Variants in LRRC72 observed in about 807,000 individuals in gnomAD.
The protein encoded by LRRC72 is leucine rich repeat containing 72, also known as leucine-rich repeat-containing protein 72.
LRRC72 carries 41 observed loss-of-function variants against 35.8 expected under a neutral mutation model. The ratio of observed to expected loss-of-function variants is 1.15; its 90% CI spans 0.89 to 1.49. The LOEUF is 1.49. LRRC72 is among the 40% of genes most tolerant of loss of function. LRRC72 has a pLI of 0.00. For synonymous variants in LRRC72, 118 were observed against 119.2 expected, an observed-to-expected ratio of 0.99 and a Z score of 0.07; for missense variants, 389 against 330.7, an observed-to-expected ratio of 1.18 and a Z score of -1.37.
At chr7:16,534,790 G>A (rs1211440890) in intron 2 of LRRC72, among the ~76,000 whole-genome samples, 4 of 150,996 alleles carry the variant, frequency 2.6e-5, no homozygotes, top group African/African-American at 7.3e-5. Context: ...TCTCACTATC[G>A]CCCCATGTAA....
chr7:16,545,027 A>C (rs1322678995), intron 3 of LRRC72, among the ~76,000 whole-genome samples: 1 of 152,224 alleles, frequency 6.6e-6, no homozygotes. Flanking sequence ...ATTTGGAATA[A>C]ATGCTTTAAC....
chr7:16,560,692 T>A (rs1055301209), intron 5 of LRRC72, among the ~76,000 whole-genome samples: 4 of 152,120 alleles, frequency 2.6e-5, no homozygotes, highest in African/African-American at 7.2e-5. Flanking sequence ...TCTGTTTTTT[T>A]TTTTTAAGAA....
intron 3 of LRRC72, among the ~76,000 whole-genome samples, chr7:16,539,289 G>A (rs1267244353): frequency 6.6e-6 from 1 of 152,188 alleles, no homozygotes; most frequent in East Asian, 1.9e-4. Flanking sequence ...GTGGCATTGT[G>A]CCCCTGCCCT....
intron 5 of LRRC72, among the ~76,000 whole-genome samples, chr7:16,559,726 G>A (rs953022826): frequency 6.6e-6 from 1 of 151,994 alleles, no homozygotes; most frequent in Admixed American, 6.6e-5. Context: ...CAGCTAGAGA[G>A]TAAAGGGTGT....
intron 5 of LRRC72, among the ~76,000 whole-genome samples, chr7:16,560,581 A>C (rs965915531): frequency 6.6e-6 from 1 of 152,092 alleles, no homozygotes; most frequent in Admixed American, 6.6e-5. Flanking sequence ...TGCTGCTATA[A>C]TTAAAAGACT....
chr7:16,559,753 T>C, intron 5 of LRRC72, among the ~76,000 whole-genome samples: 1 of 151,700 alleles, frequency 6.6e-6, no homozygotes, highest in Non-Finnish European at 1.5e-5. Context: ...ATTTTGGGGG[T>C]GATAAAACAT....
At chr7:16,579,612 C>A (rs540082040) in intron 7 of LRRC72, among the ~76,000 whole-genome samples, 3 of 152,002 alleles carry the variant, frequency 2.0e-5, no homozygotes, top group African/African-American at 7.3e-5. Context: ...TTGTTTATTC[C>A]GTTTCTTTAA....
chr7:16,567,568 A>AC, intron 7 of LRRC72, 25 bp downstream of exon 7: 2 of 1,412,358 alleles, frequency 1.4e-6, no homozygotes, highest in Non-Finnish European at 1.9e-6. Context: ...AAAAAAAAAA[A>AC]ACAAATTTAA....
At chr7:16,527,726 G>A (rs959009697) in intron 1 of LRRC72, among the ~76,000 whole-genome samples, 10 of 152,132 alleles carry the variant, frequency 6.6e-5, no homozygotes, top group African/African-American at 1.9e-4. Context: ...AAACGAGGCC[G>A]AGAGTTCTGT....
intron 3 of LRRC72, among the ~76,000 whole-genome samples, chr7:16,547,009 G>A (rs1349064492): frequency 6.6e-6 from 1 of 152,106 alleles, no homozygotes; most frequent in Non-Finnish European, 1.5e-5. Context: ...TGGTGGCAGT[G>A]GGACCCCTGT....
At chr7:16,556,211 C>T (rs997115756) in intron 3 of LRRC72, among the ~76,000 whole-genome samples, 2 of 152,096 alleles carry the variant, frequency 1.3e-5, no homozygotes, top group African/African-American at 4.8e-5. Flanking sequence ...TTATTATTTC[C>T]ATTCATATGG....
Position 16,566,348 on chromosome 7 carries a change from T to C in LRRC72, c.463T>C (p.Tyr155His). ...AAATCCTTTGTGCCAATATAACCTG[T>C]ATCGTTTATATATCATCTACCACCT... ...YQNPLCQYNLYRLYIIYHLPG... is the reference protein window; with the variant it reads ...YQNPLCQYNLHRLYIIYHLPG... Residue 155 changes from tyrosine (Y) to histidine (H), a missense_variant, in exon 6 of 9, where the codon TAT becomes CAT. Transcript: ENST00000401542. 1 of 1,547,032 alleles carries C rather than the reference T, an allele frequency of 6.5e-7. No homozygotes were observed. Among genetic ancestry groups the C allele is most frequent in the South Asian group, 1.2e-5 (1 of 82,906 alleles).
chr7:16,557,789 T>A (rs1201962269), intron 4 of LRRC72, among the ~76,000 whole-genome samples: 1 of 152,194 alleles, frequency 6.6e-6, no homozygotes, highest in Admixed American at 6.5e-5. Flanking sequence ...TGGCTATATG[T>A]TCTACCAGCC....
intron 5 of LRRC72, among the ~76,000 whole-genome samples, chr7:16,561,789 T>C (rs1455011733): frequency 6.6e-6 from 1 of 152,236 alleles, no homozygotes; most frequent in Non-Finnish European, 1.5e-5. Context: ...TTGTATTTAT[T>C]AGACAACTAA....
chr7:16,532,912 G>A (rs1046613750), intron 2 of LRRC72: 34 of 316,980 alleles, frequency 1.1e-4, no homozygotes, highest in South Asian at 3.8e-4. Flanking sequence ...TAGAAACAAC[G>A]AATATAATTT....
chr7:16,570,536 T>G (rs1042351889), intron 7 of LRRC72, among the ~76,000 whole-genome samples: 1 of 152,178 alleles, frequency 6.6e-6, no homozygotes, highest in Admixed American at 6.5e-5. Context: ...AAAATATAAC[T>G]CGCCAGGCGT....
intron 1 of LRRC72, chr7:16,530,275 A>G (rs1782139511): frequency 1.3e-5 from 2 of 152,328 alleles, no homozygotes; most frequent in South Asian, 4.1e-4. Flanking sequence ...GTCCAAGCCC[A>G]GAGACCTGAG....
chr7:16,579,123 A>G (rs569509764), intron 7 of LRRC72, among the ~76,000 whole-genome samples: 1 of 152,354 alleles, frequency 6.6e-6, no homozygotes, highest in South Asian at 2.1e-4. Context: ...CACCACGTAT[A>G]CACAAAAAAT....
At chr7:16,559,883 CA>C (rs776298752) in intron 5 of LRRC72, among the ~76,000 whole-genome samples, 88 of 140,114 alleles carry the variant, frequency 6.3e-4, no homozygotes, top group Middle Eastern at 3.6e-3. Context: ...AAGCTGATAC[CA>C]AAAAAAAAAA....
Sources: gnomAD v4.1 joint callset for allele counts (sites outside exome capture counted in the v4.1 genomes callset) on GRCh38, gnomAD v4.1.1 for gene constraint, MANE v1.5 for transcripts, NCBI Gene and HGNC (gene_info 2026-07-23, HGNC 2026-07-21) for gene names.